Variants in DPYD observed in about 807,000 individuals in gnomAD.
DPYD encodes the protein dihydropyrimidine dehydrogenase.
In DPYD, 109 loss-of-function variants were observed where a neutral mutation model predicts 116.2. The observed-to-expected ratio is 0.94, with a 90% CI of 0.80 to 1.10. The LOEUF (loss-of-function observed/expected upper bound fraction) is 1.10. Among genes scored for constraint, DPYD ranks in the 50% least tolerant of loss-of-function variants. DPYD has a pLI of 0.00. For synonymous variants in DPYD, 440 were observed against 432.0 expected (o/e 1.02, Z -0.23); for missense variants, 1,302 against 1,254.5 (o/e 1.04, Z -0.57).
rs911188773 is a variant in DPYD at position 97,541,213 on chromosome 1, T to C, written c.1524+8347A>G. Among the ~76,000 whole-genome samples the C allele has an allele frequency of 2.0e-5, 3 of 152,214 alleles. No individual in the cohort carries two copies. In the East Asian group the frequency reaches 5.8e-4, roughly 29 times the overall value. On this transcript the variant is annotated intron_variant, in intron 12 of 22. Transcript: ENST00000370192. ...GTCTACTTATCAAGAGTCAGCTGTA[T>C]GTTTCTCGCCCTGTTTCTGTTGGAT...
chr1:97,603,877 T>C (rs1223968489), intron 8 of DPYD, among the ~76,000 whole-genome samples: 1 of 152,138 alleles, frequency 6.6e-6, no homozygotes, highest in African/African-American at 2.4e-5. Flanking sequence ...ACAGTTTCCT[T>C]TGAAGTAAAC....
At chr1:97,658,681 C>T (rs17117037) in intron 8 of DPYD, among the ~76,000 whole-genome samples, 1,733 of 152,242 alleles carry the variant, frequency 0.011, 22 homozygotes, top group Middle Eastern at 0.044. Context: ...TCCACATGTC[C>T]AGTCTCATCA....
chr1:97,480,014 T>C (rs1678209450), intron 13 of DPYD, among the ~76,000 whole-genome samples: 1 of 152,206 alleles, frequency 6.6e-6, no homozygotes, highest in South Asian at 2.1e-4. Context: ...ATATAGAACT[T>C]GTATCTTCCT....
At chr1:97,529,621 C>T (rs989495104) in intron 12 of DPYD, among the ~76,000 whole-genome samples, 1 of 152,090 alleles carries the variant, frequency 6.6e-6, no homozygotes, top group African/African-American at 2.4e-5. Context: ...CAAAAGTTTA[C>T]TTGTGTCCCT....
chr1:97,393,749 C>T (rs1253814244), intron 14 of DPYD, among the ~76,000 whole-genome samples: 5 of 152,090 alleles, frequency 3.3e-5, no homozygotes, highest in Admixed American at 6.6e-5. Flanking sequence ...CCACAATAAA[C>T]ATATGTGTGT....
rs144512563 is a variant in DPYD at position 97,355,112 on chromosome 1, T to C, written c.2058+18449A>G. Among the ~76,000 whole-genome samples, 65 of 152,328 alleles carry C rather than the reference T, an allele frequency of 4.3e-4. No homozygotes were observed. The East Asian group carries it at 0.012, about 28-fold the overall frequency. The stretch of plus-strand genomic sequence containing the variant: ...TGGGATATATTTACATCATGATAAC[T>C]ATACTTTTATTGCAATCACCTTAAG... On this transcript the variant is annotated intron_variant, in intron 16 of 22. Coordinates refer to ENST00000370192, the MANE Select transcript of DPYD (RefSeq NM_000110.4).
intron 18 of DPYD, among the ~76,000 whole-genome samples, chr1:97,288,039 C>G (rs6676635): frequency 0.59 from 85,905 of 146,320 alleles, 25,529 homozygotes; most frequent in East Asian, 0.7. Context: ...TGCAATCCTA[C>G]TCTCTGATAA....
chr1:97,268,413 T>C (rs935068516), intron 18 of DPYD, among the ~76,000 whole-genome samples: 2 of 152,178 alleles, frequency 1.3e-5, no homozygotes, highest in African/African-American at 4.8e-5. Flanking sequence ...TGCTGTGCAT[T>C]GCCCTAGTAA....
chr1:97,817,104 C>T (rs1668661792), intron 3 of DPYD, among the ~76,000 whole-genome samples: 1 of 152,046 alleles, frequency 6.6e-6, no homozygotes, highest in Admixed American at 6.6e-5. Flanking sequence ...GGAACACAGC[C>T]ACATCAACAC....
At chr1:97,218,451 T>C (rs1000385297) in intron 19 of DPYD, among the ~76,000 whole-genome samples, 4 of 151,866 alleles carry the variant, frequency 2.6e-5, no homozygotes, top group Non-Finnish European at 5.9e-5. Flanking sequence ...TCCGCCTTTA[T>C]ACAGAGGTTC....
At chr1:97,672,021 G>A (rs1479451266) in intron 8 of DPYD, among the ~76,000 whole-genome samples, 2 of 145,660 alleles carry the variant, frequency 1.4e-5, no homozygotes, top group Admixed American at 7.0e-5. Context: ...CTCACCTCAC[G>A]GCAACCTCCC....
chr1:97,421,747 T>C (rs974628388), intron 14 of DPYD, among the ~76,000 whole-genome samples: 2 of 152,102 alleles, frequency 1.3e-5, no homozygotes, highest in Admixed American at 1.3e-4. Flanking sequence ...AACACACCAT[T>C]CAAAGAGTAA....
At chr1:97,774,064 G>A (rs766842575) in intron 3 of DPYD, among the ~76,000 whole-genome samples, 6 of 152,142 alleles carry the variant, frequency 3.9e-5, no homozygotes, top group Non-Finnish European at 7.4e-5. Context: ...AGATGCTGCC[G>A]TGGGGTCCAC....
At chr1:97,794,253 G>C (rs946416428) in intron 3 of DPYD, among the ~76,000 whole-genome samples, 4 of 152,072 alleles carry the variant, frequency 2.6e-5, no homozygotes, top group Non-Finnish European at 5.9e-5. Context: ...ACATTCTTAA[G>C]AGAATGAAAA....
intron 18 of DPYD, among the ~76,000 whole-genome samples, chr1:97,289,378 C>A (rs1665969438): frequency 6.6e-6 from 1 of 152,090 alleles, no homozygotes; most frequent in Non-Finnish European, 1.5e-5. Flanking sequence ...GGCAGAGACA[C>A]AATCGAAAAA....
At chr1:97,780,828 T>C (rs1666700192) in intron 3 of DPYD, among the ~76,000 whole-genome samples, 1 of 152,180 alleles carries the variant, frequency 6.6e-6, no homozygotes, top group Non-Finnish European at 1.5e-5. Flanking sequence ...ATTTGCAGAG[T>C]AATTTCACTG....
chr1:97,452,103 G>A (rs547103788), intron 13 of DPYD, among the ~76,000 whole-genome samples: 4 of 152,212 alleles, frequency 2.6e-5, no homozygotes, highest in South Asian at 4.1e-4. Context: ...ACTGATTCAC[G>A]TTAGCAGCAT....
chr1:97,597,550 T>C (rs1557827175), intron 8 of DPYD, among the ~76,000 whole-genome samples: 1 of 152,188 alleles, frequency 6.6e-6, no homozygotes, highest in Non-Finnish European at 1.5e-5. Context: ...AATCAAACAC[T>C]AAGGTAGGTA....
At chr1:97,080,909 G>T (rs2101553707) in intron 22 of DPYD, among the ~76,000 whole-genome samples, 1 of 152,096 alleles carries the variant, frequency 6.6e-6, no homozygotes, top group East Asian at 1.9e-4. Context: ...GAATTCCACG[G>T]TGGGAGCCAT....
Sources: allele counts gnomAD v4.1 joint callset (sites outside exome capture counted in the v4.1 genomes callset), GRCh38; gene constraint gnomAD v4.1.1; transcripts MANE v1.5; gene names NCBI Gene and HGNC (gene_info 2026-07-23, HGNC 2026-07-21).